The following PPP2R2B variants were observed in gnomAD, a reference collection of about 807,000 sequenced individuals.
The protein encoded by PPP2R2B is protein phosphatase 2 regulatory subunit Bbeta.
In PPP2R2B, 5 loss-of-function variants were observed where a neutral mutation model predicts 46.0. The ratio of observed to expected loss-of-function variants is 0.11; its 90% CI spans 0.06 to 0.23. PPP2R2B has a LOEUF of 0.23. Among genes scored for constraint, PPP2R2B ranks in the 10% least tolerant of loss-of-function variants. The pLI is 1.00. For missense variants in PPP2R2B, 367 were observed against 575.0 expected (o/e 0.64, Z 3.70); for synonymous variants, 215 against 206.7 (o/e 1.04, Z -0.34).
At chr5:146,683,421 G>A (rs903834711) in intron 5 of PPP2R2B, among the ~76,000 whole-genome samples, 4 of 152,124 alleles carry the variant, frequency 2.6e-5, no homozygotes, top group Non-Finnish European at 5.9e-5. Context: ...CTTACTAGCC[G>A]TCTAACCTAA....
At chr5:146,768,345 G>A (rs1189640476) in intron 2 of PPP2R2B, among the ~76,000 whole-genome samples, 2 of 152,046 alleles carry the variant, frequency 1.3e-5, no homozygotes, top group Non-Finnish European at 2.9e-5. Flanking sequence ...AAGTCCCAAA[G>A]AGCCACCATG....
chr5:146,784,202 T>A (rs987715820), intron 2 of PPP2R2B, among the ~76,000 whole-genome samples: 2 of 152,194 alleles, frequency 1.3e-5, no homozygotes, highest in Admixed American at 1.3e-4. Context: ...ATAGCATGCA[T>A]GATATGCAGA....
chr5:146,916,342 A>G (rs556841253), intron 1 of PPP2R2B, among the ~76,000 whole-genome samples: 44 of 146,676 alleles, frequency 3.0e-4, no homozygotes, highest in Non-Finnish European at 5.8e-4. Context: ...CTTTGAGTAT[A>G]TAGTAGGTCT....
chr5:146,582,331 TTGCTTCCTGCA>T lies in PPP2R2B; in HGVS notation c.*7605_*7615del, dbSNP rs975365341. ...GGGCAATATCTTGGATGTGATAATGTTGCTTCCTGCATCAGTGAACATGGTATTGATTGTAA... is the reference window on the plus strand; with the variant it reads ...GGGCAATATCTTGGATGTGATAATGTTCAGTGAACATGGTATTGATTGTAA... On this transcript the variant is annotated 3_prime_UTR_variant, in exon 10 of 10. Transcript: ENST00000394411. 1 of 152,226 alleles carries T rather than the reference TTGCTTCCTGCA, an allele frequency of 6.6e-6. No individual in the cohort carries two copies. Among genetic ancestry groups the T allele is most frequent in the African/African-American group, 2.4e-5 (1 of 41,444 alleles). The allele number at this position is 152,226 out of a possible 1,614,324, so 9.4% of individuals were successfully genotyped here.
At chr5:146,978,362 C>T (rs1177926015) in intron 1 of PPP2R2B, among the ~76,000 whole-genome samples, 1 of 152,114 alleles carries the variant, frequency 6.6e-6, no homozygotes, top group Non-Finnish European at 1.5e-5. Flanking sequence ...TGTGCAGAAG[C>T]TCTTTAGGTT....
intron 2 of PPP2R2B, among the ~76,000 whole-genome samples, chr5:146,713,033 A>T (rs1352942109): frequency 6.6e-6 from 1 of 152,240 alleles, no homozygotes; most frequent in South Asian, 2.1e-4. Context: ...ATCAATGAAC[A>T]TATTAAATTA....
chr5:146,626,389 G>A (rs886893216), intron 7 of PPP2R2B, among the ~76,000 whole-genome samples: 1 of 152,008 alleles, frequency 6.6e-6, no homozygotes, highest in Non-Finnish European at 1.5e-5. Context: ...CACCACAAAT[G>A]GAAAAATGGT....
At chr5:146,759,762 T>A (rs1049981684) in intron 2 of PPP2R2B, among the ~76,000 whole-genome samples, 4 of 152,130 alleles carry the variant, frequency 2.6e-5, no homozygotes, top group African/African-American at 9.7e-5. Context: ...TTCCCTTTTT[T>A]TTTTTTTCAT....
At chr5:146,656,807 A>G (rs1561809061) in intron 5 of PPP2R2B, 2 of 152,178 alleles carry the variant, frequency 1.3e-5, no homozygotes, top group Admixed American at 6.5e-5. Context: ...CGGGTGAGGA[A>G]AGCTCAGGGA....
intron 1 of PPP2R2B, among the ~76,000 whole-genome samples, chr5:146,928,323 A>G (rs911165585): frequency 6.6e-6 from 1 of 151,798 alleles, no homozygotes; most frequent in South Asian, 2.1e-4. Flanking sequence ...AACTCTCTAC[A>G]TGCCATCTCC....
chr5:146,868,866 T>C (rs986884354), intron 2 of PPP2R2B, among the ~76,000 whole-genome samples: 2 of 152,260 alleles, frequency 1.3e-5, no homozygotes, highest in African/African-American at 4.8e-5. Context: ...TGGAATCAGA[T>C]AGACCTGGAT....
chr5:146,724,597 G>A (rs1266538046), intron 2 of PPP2R2B, among the ~76,000 whole-genome samples: 11 of 152,252 alleles, frequency 7.2e-5, no homozygotes, highest in South Asian at 2.1e-4. Flanking sequence ...GAGTGGACTC[G>A]TTGTGAGATA....
intron 2 of PPP2R2B, among the ~76,000 whole-genome samples, chr5:146,790,882 C>G (rs544040453): frequency 6.6e-6 from 1 of 152,254 alleles, no homozygotes; most frequent in Admixed American, 6.5e-5. Flanking sequence ...TCTTGAGGAA[C>G]AGTCAGACCT....
At chr5:147,038,877 T>C (rs1756165308) in intron 1 of PPP2R2B, among the ~76,000 whole-genome samples, 1 of 152,148 alleles carries the variant, frequency 6.6e-6, no homozygotes, top group Non-Finnish European at 1.5e-5. Context: ...GCCTCCAGAA[T>C]CCAAGTTTTC....
At chr5:147,081,266 T>C in exon 1 of PPP2R2B, 1 of 1,535,654 alleles carries the variant, frequency 6.5e-7, no homozygotes, top group Non-Finnish European at 8.7e-7. Flanking sequence ...CCAGGTATCA[T>C]CTCGTCAGAG....
At chr5:146,938,027 G>A (rs1712502107) in intron 1 of PPP2R2B, among the ~76,000 whole-genome samples, 1 of 152,070 alleles carries the variant, frequency 6.6e-6, no homozygotes, top group South Asian at 2.1e-4. Flanking sequence ...CAGTTAGCAA[G>A]GGCAACTGGT....
At chr5:146,615,955 A>C (rs1178554188) in intron 7 of PPP2R2B, among the ~76,000 whole-genome samples, 3 of 152,184 alleles carry the variant, frequency 2.0e-5, no homozygotes, top group Non-Finnish European at 1.5e-5. Flanking sequence ...AAAAAACAAA[A>C]CTGGAGGAAT....
chr5:146,916,411 G>T (rs1206441064), intron 1 of PPP2R2B, among the ~76,000 whole-genome samples: 1 of 151,666 alleles, frequency 6.6e-6, no homozygotes, highest in African/African-American at 2.4e-5. Context: ...GTGACAGAGA[G>T]AACTAAAGCA....
rs1012171663 is a variant in PPP2R2B at position 146,780,727 on chromosome 5, G to T, written c.71-79585C>A. Among the ~76,000 whole-genome samples the T allele has an allele frequency of 3.3e-5, 5 of 152,102 alleles. 1 individual carries two copies. The highest frequency in any genetic ancestry group is 1.5e-5 in the Non-Finnish European group (1 of 68,026). On this transcript the variant is annotated intron_variant, in intron 2 of 9. Coordinates refer to ENST00000394411, the MANE Select transcript of PPP2R2B (RefSeq NM_181675.4). ...TTGCTGTTGGTGACCCCTCTAGTTA[G>T]ATATTCTTCCTCAGTTGCTAGTCCA...
Sources: gnomAD v4.1 joint callset for allele counts (sites outside exome capture counted in the v4.1 genomes callset) on GRCh38, gnomAD v4.1.1 for gene constraint, MANE v1.5 for transcripts, NCBI Gene and HGNC (gene_info 2026-07-23, HGNC 2026-07-21) for gene names.